The following GALNT13 variants were observed in gnomAD, a reference collection of about 807,000 sequenced individuals.
The protein encoded by GALNT13 is polypeptide N-acetylgalactosaminyltransferase 13.
GALNT13 carries 28 observed loss-of-function variants against 64.2 expected under a neutral mutation model. The observed-to-expected ratio is 0.44, with a 90% CI of 0.32 to 0.60. The LOEUF (loss-of-function observed/expected upper bound fraction) is 0.60. GALNT13 is among the 20% of genes least tolerant of loss of function. The probability of loss-of-function intolerance (pLI) is 0.05; values close to 1 mark genes in which losing one functional copy is unlikely to be tolerated. For missense variants in GALNT13, 577 were observed against 669.8 expected, an observed-to-expected ratio of 0.86 and a Z score of 1.53; for synonymous variants, 214 against 224.6, an observed-to-expected ratio of 0.95 and a Z score of 0.42.
the GALNT13 span, among the ~76,000 whole-genome samples, chr2:153,098,621 T>G: frequency 6.6e-6 from 1 of 152,240 alleles, no homozygotes; most frequent in Non-Finnish European, 1.5e-5. Context: ...TTGTTGCATA[T>G]GGCTGTATTT....
chr2:153,387,611 C>T, the GALNT13 span, among the ~76,000 whole-genome samples: 2 of 151,980 alleles, frequency 1.3e-5, no homozygotes, highest in African/African-American at 4.8e-5. Flanking sequence ...ATTTGCTGCC[C>T]TGGAGACATT....
intron 3 of GALNT13, among the ~76,000 whole-genome samples, chr2:153,945,180 A>T (rs990525415): frequency 2.6e-5 from 4 of 152,210 alleles, no homozygotes; most frequent in Non-Finnish European, 5.9e-5. Flanking sequence ...AATTTCAAGT[A>T]TACTGTAAAA....
chr2:153,186,281 C>T, the GALNT13 span, among the ~76,000 whole-genome samples: 5 of 151,772 alleles, frequency 3.3e-5, no homozygotes, highest in Admixed American at 3.3e-4. Context: ...GATTGCAACC[C>T]CTGCTTTTTT....
chr2:153,907,888 T>G (rs1688688710), intron 2 of GALNT13, among the ~76,000 whole-genome samples: 1 of 152,118 alleles, frequency 6.6e-6, no homozygotes, highest in Non-Finnish European at 1.5e-5. Context: ...TGTGTCTTTA[T>G]GGTAGGATAA....
the GALNT13 span, among the ~76,000 whole-genome samples, chr2:153,285,222 C>T: frequency 6.6e-6 from 1 of 152,036 alleles, no homozygotes; most frequent in Non-Finnish European, 1.5e-5. Context: ...ATCATGAGAA[C>T]AGCATGGGGG....
Position 154,354,692 on chromosome 2 carries a change from T to C in GALNT13, c.1157-41299T>C, listed in dbSNP as rs917622597. Among the ~76,000 whole-genome samples, 34 of 152,106 alleles carry C rather than the reference T, an allele frequency of 2.2e-4. 1 individual carries two copies. The highest frequency in any genetic ancestry group is 2.9e-5 in the Non-Finnish European group (2 of 67,992). ...GAAGAGACCACCCTTTTCCCCATTG[T>C]GTTCTCTTGGTGCCCTTGTTGAAAA... On this transcript the variant is annotated intron_variant, in intron 9 of 12. Transcript: ENST00000392825.
At chr2:153,800,505 T>G in the GALNT13 span, among the ~76,000 whole-genome samples, 1 of 152,200 alleles carries the variant, frequency 6.6e-6, no homozygotes, top group Non-Finnish European at 1.5e-5. Context: ...AAGATTTCTC[T>G]GTAACAGGAG....
intron 1 of GALNT13, among the ~76,000 whole-genome samples, chr2:153,885,650 T>C (rs1687122638): frequency 6.6e-6 from 1 of 152,096 alleles, no homozygotes; most frequent in Non-Finnish European, 1.5e-5. Context: ...TACCAGTTAC[T>C]GTGATTACCT....
the GALNT13 span, among the ~76,000 whole-genome samples, chr2:153,650,925 G>A: frequency 6.6e-6 from 1 of 152,078 alleles, no homozygotes; most frequent in Non-Finnish European, 1.5e-5. Flanking sequence ...CTGTAACTTT[G>A]GGACTAGCTT....
intron 2 of GALNT13, among the ~76,000 whole-genome samples, chr2:153,904,808 A>G (rs937471209): frequency 6.6e-6 from 1 of 151,812 alleles, no homozygotes; most frequent in Non-Finnish European, 1.5e-5. Context: ...TCACCTCATT[A>G]TGTTTATATC....
At chr2:153,672,730 A>G in the GALNT13 span, among the ~76,000 whole-genome samples, 3 of 151,970 alleles carry the variant, frequency 2.0e-5, no homozygotes, top group Admixed American at 6.6e-5. Flanking sequence ...GTGGATAGAG[A>G]CACAAAAAAC....
chr2:153,819,150 A>G, the GALNT13 span, among the ~76,000 whole-genome samples: 136 of 152,180 alleles, frequency 8.9e-4, no homozygotes, highest in African/African-American at 3.1e-3. Flanking sequence ...CATTACCAAC[A>G]TGTATGGGCC....
chr2:153,641,021 C>T, the GALNT13 span, among the ~76,000 whole-genome samples: 6 of 152,076 alleles, frequency 3.9e-5, no homozygotes, highest in South Asian at 1.0e-3. Context: ...CAGTTTTAGT[C>T]TAGGAGCTGA....
the GALNT13 span, among the ~76,000 whole-genome samples, chr2:153,838,455 G>A: frequency 6.6e-6 from 1 of 151,516 alleles, no homozygotes; most frequent in Non-Finnish European, 1.5e-5. Flanking sequence ...CAATTTTATT[G>A]GATATAACCA....
the GALNT13 span, among the ~76,000 whole-genome samples, chr2:153,500,662 A>G: frequency 6.6e-6 from 1 of 152,236 alleles, no homozygotes; most frequent in African/African-American, 2.4e-5. Flanking sequence ...ACTTAAAAAC[A>G]ACTAATGAGC....
chr2:153,602,474 G>T, the GALNT13 span, among the ~76,000 whole-genome samples: 1 of 144,234 alleles, frequency 6.9e-6, no homozygotes, highest in African/African-American at 2.7e-5. Context: ...ATACCCTACT[G>T]GGAAGGGGTG....
intron 1 of GALNT13, among the ~76,000 whole-genome samples, chr2:153,884,931 C>T (rs1249365270): frequency 2.1e-5 from 3 of 144,228 alleles, no homozygotes; most frequent in Non-Finnish European, 4.6e-5. Flanking sequence ...CCCAGCTACT[C>T]AGGAGGCTGA....
At chr2:153,980,737 C>T (rs1694406217) in intron 3 of GALNT13, among the ~76,000 whole-genome samples, 1 of 152,076 alleles carries the variant, frequency 6.6e-6, no homozygotes. Context: ...CTTCTCTACT[C>T]ATATAAACCT....
At chr2:153,483,324 A>C in the GALNT13 span, among the ~76,000 whole-genome samples, 1 of 152,078 alleles carries the variant, frequency 6.6e-6, no homozygotes, top group South Asian at 2.1e-4. Context: ...GAAGCAACCC[A>C]AACGTCCATC....
Sources: gnomAD v4.1 joint callset for allele counts (sites outside exome capture counted in the v4.1 genomes callset) on GRCh38, gnomAD v4.1.1 for gene constraint, MANE v1.5 for transcripts, NCBI Gene and HGNC (gene_info 2026-07-23, HGNC 2026-07-21) for gene names.